The following RARB variants were observed in gnomAD, a reference collection of about 807,000 sequenced individuals.
The protein encoded by RARB is HBV-activated protein.
A neutral mutation model predicts 51.9 loss-of-function variants in RARB; 17 were observed. The ratio of observed to expected loss-of-function variants is 0.33; its 90% CI spans 0.22 to 0.49. RARB has a LOEUF of 0.49. Ranked by LOEUF, RARB falls within the 20% of genes least tolerant of loss-of-function variation. The probability of loss-of-function intolerance (pLI) is 0.99; values close to 1 mark genes in which losing one functional copy is unlikely to be tolerated. For missense variants in RARB, 369 were observed against 550.8 expected, an observed-to-expected ratio of 0.67 and a Z score of 3.30; for synonymous variants, 215 against 195.4, an observed-to-expected ratio of 1.10 and a Z score of -0.84.
At chr3:25,135,756 T>C (rs1030535720) in intron 4 of RARB, among the ~76,000 whole-genome samples, 3 of 151,832 alleles carry the variant, frequency 2.0e-5, no homozygotes, top group African/African-American at 7.3e-5. Flanking sequence ...CAAATAAAAA[T>C]GAAGTAAAAC....
At chr3:25,436,051 A>T (rs1559400742) in intron 1 of RARB, among the ~76,000 whole-genome samples, 2 of 152,192 alleles carry the variant, frequency 1.3e-5, no homozygotes, top group Non-Finnish European at 2.9e-5. Context: ...ACTCATTTTG[A>T]TCACTTTTAT....
At chr3:24,884,353 T>C (rs959007021) in intron 2 of RARB, among the ~76,000 whole-genome samples, 2 of 152,184 alleles carry the variant, frequency 1.3e-5, no homozygotes, top group African/African-American at 4.8e-5. Flanking sequence ...ACCTACTTAT[T>C]GTGCATTTTA....
At chr3:25,142,780 T>A (rs1353168045) in intron 4 of RARB, among the ~76,000 whole-genome samples, 1 of 152,010 alleles carries the variant, frequency 6.6e-6, no homozygotes, top group African/African-American at 2.4e-5. Flanking sequence ...TGGGCTGCAA[T>A]CTATAGCTGG....
At chr3:25,250,174 A>G (rs1028409742) in intron 5 of RARB, among the ~76,000 whole-genome samples, 2 of 152,124 alleles carry the variant, frequency 1.3e-5, no homozygotes, top group South Asian at 2.1e-4. Flanking sequence ...TAGTAACAGC[A>G]GGTTGGATGG....
chr3:25,274,078 C>T (rs1703320479), intron 5 of RARB, among the ~76,000 whole-genome samples: 1 of 152,144 alleles, frequency 6.6e-6, no homozygotes, highest in Non-Finnish European at 1.5e-5. Context: ...TAGATGTATC[C>T]TCTGAGACAT....
intron 5 of RARB, among the ~76,000 whole-genome samples, chr3:25,290,862 A>T (rs1232176690): frequency 6.6e-6 from 1 of 152,150 alleles, no homozygotes; most frequent in African/African-American, 2.4e-5. Context: ...ATAAACTTTG[A>T]TTAGTCTTTG....
chr3:25,117,635 C>G (rs1220187228), intron 3 of RARB, among the ~76,000 whole-genome samples: 3 of 152,062 alleles, frequency 2.0e-5, no homozygotes, highest in Non-Finnish European at 4.4e-5. Flanking sequence ...AAGGAGAGAG[C>G]TGCTGGTGGC....
chr3:25,422,095 A>C (rs1259319400), intron 5 of RARB, among the ~76,000 whole-genome samples: 2 of 152,188 alleles, frequency 1.3e-5, no homozygotes, highest in Non-Finnish European at 1.5e-5. Context: ...GTTTAATTTT[A>C]ATTAGTTTAA....
chr3:24,906,563 C>T (rs947559185), intron 2 of RARB, among the ~76,000 whole-genome samples: 1 of 152,108 alleles, frequency 6.6e-6, no homozygotes, highest in Non-Finnish European at 1.5e-5. Flanking sequence ...GCTACGCTGG[C>T]TGGGAGTGGT....
At chr3:25,090,874 AGAGATGGTTT>A (rs1478548092) in intron 3 of RARB, among the ~76,000 whole-genome samples, 1 of 152,140 alleles carries the variant, frequency 6.6e-6, no homozygotes, top group Non-Finnish European at 1.5e-5. Flanking sequence ...TGTGGGGGAA[AGAGATGGTTT>A]CCTTCAAGAA....
chr3:25,105,092 A>G (rs1699474179), intron 3 of RARB, among the ~76,000 whole-genome samples: 1 of 152,222 alleles, frequency 6.6e-6, no homozygotes, highest in Non-Finnish European at 1.5e-5. Flanking sequence ...ATTTAGAAAA[A>G]TCACTAATTC....
intron 2 of RARB, among the ~76,000 whole-genome samples, chr3:25,007,988 T>A (rs1697312390): frequency 6.6e-6 from 1 of 152,148 alleles, no homozygotes; most frequent in African/African-American, 2.4e-5. Flanking sequence ...TGTGGGTATG[T>A]TAAAATAAGA....
At chr3:25,382,788 G>T (rs1706668366) in intron 5 of RARB, among the ~76,000 whole-genome samples, 1 of 152,148 alleles carries the variant, frequency 6.6e-6, no homozygotes, top group Non-Finnish European at 1.5e-5. Context: ...AACCCTGGAG[G>T]CAGAGGTTGC....
At chr3:25,392,765 T>G (rs1707002768) in intron 5 of RARB, among the ~76,000 whole-genome samples, 1 of 152,142 alleles carries the variant, frequency 6.6e-6, no homozygotes, top group Admixed American at 6.6e-5. Context: ...CAGAATTCAT[T>G]TATCAGATTT....
intron 3 of RARB, among the ~76,000 whole-genome samples, chr3:25,513,367 C>T (rs1697999917): frequency 6.6e-6 from 1 of 151,860 alleles, no homozygotes; most frequent in South Asian, 2.1e-4. Context: ...GAAAAGGGTA[C>T]CTAAGGACTG....
At chr3:25,256,425 C>A (rs1368000327) in intron 5 of RARB, among the ~76,000 whole-genome samples, 2 of 151,864 alleles carry the variant, frequency 1.3e-5, no homozygotes, top group Non-Finnish European at 2.9e-5. Context: ...TCCTAGAATG[C>A]AAGAGAAGCA....
chr3:24,930,312 G>A (rs1027067789), intron 2 of RARB, among the ~76,000 whole-genome samples: 6 of 151,628 alleles, frequency 4.0e-5, no homozygotes, highest in Non-Finnish European at 8.8e-5. Context: ...ATTAGAGGTG[G>A]GATGCATCCA....
At chr3:25,311,851 G>A (rs1490298650) in intron 5 of RARB, among the ~76,000 whole-genome samples, 1 of 152,182 alleles carries the variant, frequency 6.6e-6, no homozygotes, top group Non-Finnish European at 1.5e-5. Context: ...GACAGTGGGG[G>A]ATGTGGATAC....
At chr3:25,242,356 T>C (rs1337473684) in intron 5 of RARB, among the ~76,000 whole-genome samples, 1 of 152,210 alleles carries the variant, frequency 6.6e-6, no homozygotes, top group Non-Finnish European at 1.5e-5. Context: ...TTGCTTTTGG[T>C]GTTTTGGTCA....
Sources: allele counts gnomAD v4.1 joint callset (sites outside exome capture counted in the v4.1 genomes callset), GRCh38; gene constraint gnomAD v4.1.1; transcripts MANE v1.5; gene names NCBI Gene and HGNC (gene_info 2026-07-23, HGNC 2026-07-21).